The following PHOSPHO2 variants were observed in gnomAD, a reference collection of about 807,000 sequenced individuals.
PHOSPHO2 encodes the protein phosphatase, orphan 2, also known as pyridoxal phosphate phosphatase PHOSPHO2.
A neutral mutation model predicts 16.4 loss-of-function variants in PHOSPHO2; 14 were observed. The ratio of observed to expected loss-of-function variants is 0.85; its 90% CI spans 0.56 to 1.33. The LOEUF is 1.33. PHOSPHO2 is among the 40% of genes most tolerant of loss of function. The probability of loss-of-function intolerance (pLI) is 0.00; values close to 1 mark genes in which losing one functional copy is unlikely to be tolerated. For synonymous variants in PHOSPHO2, 85 were observed against 90.5 expected (o/e 0.94, Z 0.34); for missense variants, 246 against 282.5 (o/e 0.87, Z 0.93).
chr2:169,699,578 A>G (rs1011213199), intron 3 of PHOSPHO2, among the ~76,000 whole-genome samples: 3 of 152,164 alleles, frequency 2.0e-5, no homozygotes, highest in African/African-American at 7.2e-5. Flanking sequence ...TTCTGCCTCT[A>G]CGTCTTTGAG....
Position 169,701,038 on chromosome 2 carries a change from G to A in PHOSPHO2, c.67G>A (p.Val23Ile). ...IIDDNSDTWIVQCAPNKKLPI... is the reference protein window; with the variant it reads ...IIDDNSDTWIIQCAPNKKLPI... Reference sequence around the variant, plus strand: ...AGATGACAATAGTGACACTTGGATTGTACAATGTGCTCCCAACAAAAAGCT... The same window carrying A: ...AGATGACAATAGTGACACTTGGATTATACAATGTGCTCCCAACAAAAAGCT... The change falls in exon 4 of 4, where the codon GTA (valine) becomes ATA (isoleucine). Residue 23 changes from valine (V) to isoleucine (I), a missense_variant. Coordinates refer to ENST00000359744, the MANE Select transcript of PHOSPHO2 (RefSeq NM_001008489.4). 6.2e-7 allele frequency: 1 copy of A among 1,613,578 alleles called. No homozygotes were observed. Among genetic ancestry groups the A allele is most frequent in the Non-Finnish European group, 8.5e-7 (1 of 1,179,926 alleles).
At chr2:169,697,333 G>C (rs1050316234) in intron 2 of PHOSPHO2, 28 bp from the exon 3 acceptor site, 4 of 152,186 alleles carry the variant, frequency 2.6e-5, no homozygotes, top group Admixed American at 1.3e-4. Flanking sequence ...AAATGTTAAA[G>C]CTTTTAAAAT....
Position 169,701,427 on chromosome 2 carries a change from CA to C in PHOSPHO2, c.461del (p.Lys154ArgfsTer2), listed in dbSNP as rs1558932071. 6.2e-7 allele frequency: 1 copy of C among 1,611,018 alleles called. No individual in the cohort carries two copies. The highest frequency in any genetic ancestry group is 8.5e-7 in the Non-Finnish European group (1 of 1,179,242). ...GCAATAGATGCCCAAAGAATCTTTG[CA>C]AAAAGGTAGTTTTGATAGAATTTGT... ...SCNRCPKNLC[K>X]KVVLIEFVDK... is the part of the protein sequence containing the mutation. On this transcript the variant is annotated frameshift_variant, in exon 4 of 4. Coordinates refer to ENST00000359744, the MANE Select transcript of PHOSPHO2 (RefSeq NM_001008489.4). LOFTEE classifies it high-confidence loss of function.
In PHOSPHO2 at chr2:169,701,305, G is replaced by A. The variant is rs770332213; in HGVS notation, c.334G>A (p.Ala112Thr). 2.0e-5 allele frequency: 32 copies of A among 1,612,370 alleles called. No homozygotes were observed. The highest frequency in any genetic ancestry group is 2.5e-5 in the Non-Finnish European group (30 of 1,179,264). The change falls in exon 4 of 4, where the codon GCC becomes ACC. Residue 112 changes from alanine (A) to threonine (T), a missense_variant. Physicochemically the swap from Ala to Thr is moderately conservative, Grantham distance 58 (BLOSUM62 0). Coordinates refer to ENST00000359744, the MANE Select transcript of PHOSPHO2 (RefSeq NM_001008489.4). ...SVFIDWVLEA[A>T]SFHDIFDKVF... ...CTTCATAGATTGGGTTTTAGAAGCT[G>A]CCAGTTTTCATGACATATTTGATAA... is the stretch of plus-strand genomic sequence containing the variant.
intron 2 of PHOSPHO2, among the ~76,000 whole-genome samples, chr2:169,695,876 A>G (rs1408349215): frequency 6.6e-6 from 1 of 152,182 alleles, no homozygotes; most frequent in Non-Finnish European, 1.5e-5. Context: ...AATTACAGGA[A>G]AGGAGCCCTG....
At chr2:169,700,907 A>T in intron 3 of PHOSPHO2, 39 bp from the exon 4 acceptor site, 1 of 1,485,290 alleles carries the variant, frequency 6.7e-7, no homozygotes, top group Non-Finnish European at 9.0e-7. Flanking sequence ...AGATATGTAA[A>T]CAGAGTTTGT....
At chr2:169,698,870 CAA>C (rs1459030862) in intron 3 of PHOSPHO2, among the ~76,000 whole-genome samples, 1 of 152,152 alleles carries the variant, frequency 6.6e-6, no homozygotes, top group African/African-American at 2.4e-5. Flanking sequence ...AACTCTTAAC[CAA>C]GTTACTTCTA....
At position 169,701,266 on chromosome 2, in the gene PHOSPHO2, G is replaced by T. The variant is rs762595824; in HGVS notation, c.295G>T (p.Asp99Tyr). 6.8e-6 allele frequency: 11 copies of T among 1,613,482 alleles called. No individual in the cohort carries two copies. The highest frequency in any genetic ancestry group is 7.6e-6 in the Non-Finnish European group (9 of 1,179,830). ...KDKFDCIIIS[D>Y]SNSVFIDWVL... Reference sequence around the variant, plus strand: ...TAAATTTGACTGCATTATTATTTCAGATTCAAATTCGGTCTTCATAGATTG... The same window carrying T: ...TAAATTTGACTGCATTATTATTTCATATTCAAATTCGGTCTTCATAGATTG... Residue 99 changes from aspartate (D) to tyrosine (Y), a missense_variant, in exon 4 of 4, where the codon GAT becomes TAT. Asp to Tyr is a radical substitution (Grantham distance 160, BLOSUM62 -3). Coordinates refer to ENST00000359744, the MANE Select transcript of PHOSPHO2 (RefSeq NM_001008489.4).
At chr2:169,695,442 C>T (rs1197364222) in intron 2 of PHOSPHO2, among the ~76,000 whole-genome samples, 195 bp downstream of exon 2, 1 of 152,142 alleles carries the variant, frequency 6.6e-6, no homozygotes, top group Non-Finnish European at 1.5e-5. Flanking sequence ...CGAGACCATC[C>T]TGGCTAACAC....
chr2:169,694,498 G>A lies in PHOSPHO2; in HGVS notation c.-355G>A, dbSNP rs987259456. ...TTGGCGGTCGGGCTAGAGAAGAGAG[G>A]CGCCTGCGCTTGCGAGCTGGGCTTG... On this transcript the variant is annotated 5_prime_UTR_variant, in exon 1 of 4. Coordinates refer to ENST00000359744, the MANE Select transcript of PHOSPHO2 (RefSeq NM_001008489.4). The A allele has an allele frequency of 5.9e-6, 4 of 681,304 alleles. No homozygotes were observed. The highest frequency in any genetic ancestry group is 1.0e-5 in the Non-Finnish European group (4 of 382,516). The allele number at this position is 681,304 out of a possible 1,614,324, so 42.2% of individuals were successfully genotyped here.
intron 3 of PHOSPHO2, among the ~76,000 whole-genome samples, chr2:169,699,427 T>C (rs960722721): frequency 6.6e-6 from 1 of 152,236 alleles, no homozygotes; most frequent in Non-Finnish European, 1.5e-5. Flanking sequence ...CTGTCATTGA[T>C]GGGCATTTAG....
In PHOSPHO2 at chr2:169,701,159, A is replaced by C; in HGVS notation, c.188A>C (p.His63Pro). The C allele has an allele frequency of 6.2e-7, 1 of 1,614,076 alleles. No individual in the cohort carries two copies. Among genetic ancestry groups the C allele is most frequent in the Non-Finnish European group, 8.5e-7 (1 of 1,179,970 alleles). The change falls in exon 4 of 4, where the codon CAT (histidine) becomes CCT (proline). Residue 63 changes from histidine (H) to proline (P), a missense_variant. Physicochemically the swap from His to Pro is moderately conservative, Grantham distance 77 (BLOSUM62 -2). Coordinates refer to ENST00000359744, the MANE Select transcript of PHOSPHO2 (RefSeq NM_001008489.4). Reference sequence around the variant, plus strand: ...TTGGGAGATAAGGGTGTAAGAGAACATGAAATGAAAAGAGCAGTGACATCA... The same window carrying C: ...TTGGGAGATAAGGGTGTAAGAGAACCTGAAATGAAAAGAGCAGTGACATCA... ...KYLGDKGVRE[H>P]EMKRAVTSLP... is the part of the protein sequence containing the mutation.
intron 1 of PHOSPHO2, 58 bp downstream of exon 1, chr2:169,694,680 G>A: frequency 4.9e-6 from 2 of 405,232 alleles, no homozygotes; most frequent in Non-Finnish European, 9.4e-6. Context: ...CCACCTGCGC[G>A]CTCCCCATGG....
chr2:169,701,195 C>A lies in PHOSPHO2; in HGVS notation c.224C>A (p.Thr75Asn), dbSNP rs772492108. 2.5e-6 allele frequency: 4 copies of A among 1,614,040 alleles called. No homozygotes were observed. The Admixed American group carries it at 6.7e-5, about 27-fold the overall frequency. ...AGAGCAGTGACATCATTGCCTTTCA[C>A]TCCAGGGATGGTGGAACTCTTCAAC... is the stretch of plus-strand genomic sequence containing the variant. ...MKRAVTSLPF[T>N]PGMVELFNFI... The change falls in exon 4 of 4, where the codon ACT becomes AAT. Residue 75 changes from threonine to asparagine, a missense_variant. Transcript: ENST00000359744.
chr2:169,696,169 C>T (rs1214613848), intron 2 of PHOSPHO2, among the ~76,000 whole-genome samples: 1 of 152,184 alleles, frequency 6.6e-6, no homozygotes, highest in South Asian at 2.1e-4. Flanking sequence ...ATTCCAGCTC[C>T]AACCTGTGGA....
At chr2:169,694,682 T>G in intron 1 of PHOSPHO2, 60 bp downstream of exon 1, 3 of 391,770 alleles carry the variant, frequency 7.7e-6, no homozygotes, top group East Asian at 5.5e-5. Context: ...ACCTGCGCGC[T>G]CCCCATGGGG....
chr2:169,694,570 T>C lies in PHOSPHO2; in HGVS notation c.-283T>C. 4 of 583,774 alleles carry C rather than the reference T, an allele frequency of 6.9e-6. No homozygotes were observed. In the South Asian group the frequency reaches 8.0e-5, roughly 12 times the overall value. 36.2% of individuals were successfully genotyped at this position (583,774 alleles called of 1,614,324 possible). On this transcript the variant is annotated 5_prime_UTR_variant, in exon 1 of 4. Transcript: ENST00000359744. ...CAGGCGTGGGGCGAGGCCAAAGGAC[T>C]GAACCCGCAGGAGCGTCACGGGCGC...
intron 3 of PHOSPHO2, among the ~76,000 whole-genome samples, chr2:169,699,943 G>C (rs1687689491): frequency 6.6e-6 from 1 of 152,150 alleles, no homozygotes; most frequent in Non-Finnish European, 1.5e-5. Context: ...TATCAAAAAG[G>C]ATTTTGGACA....
Position 169,701,497 on chromosome 2 carries a change from T to C in PHOSPHO2, c.526T>C (p.Tyr176His). 1 of 1,612,876 alleles carries C rather than the reference T, an allele frequency of 6.2e-7. No individual in the cohort carries two copies. Among genetic ancestry groups the C allele is most frequent in the East Asian group, 2.2e-5 (1 of 44,848 alleles). ...QQGVNYTQIV[Y>H]IGDGGNDVCP... Reference sequence around the variant, plus strand: ...GGGAGTGAATTATACACAAATTGTTTATATTGGTGATGGTGGAAATGATGT... The same window carrying C: ...GGGAGTGAATTATACACAAATTGTTCATATTGGTGATGGTGGAAATGATGT... Residue 176 changes from tyrosine to histidine, a missense_variant, in exon 4 of 4, where the codon TAT becomes CAT. Coordinates refer to ENST00000359744, the MANE Select transcript of PHOSPHO2 (RefSeq NM_001008489.4).
Sources: gnomAD v4.1 joint callset for allele counts (sites outside exome capture counted in the v4.1 genomes callset) on GRCh38, gnomAD v4.1.1 for gene constraint, MANE v1.5 for transcripts, NCBI Gene and HGNC (gene_info 2026-07-23, HGNC 2026-07-21) for gene names.